Variants in HEMK2 observed in about 807,000 individuals in gnomAD.
The protein encoded by HEMK2 is methyltransferase HEMK2.
the HEMK2 span, among the ~76,000 whole-genome samples, chr21:28,636,291 A>C: frequency 6.6e-6 from 1 of 152,116 alleles, no homozygotes; most frequent in East Asian, 1.9e-4. Flanking sequence ...CACAGGTTAC[A>C]TGCAGCTTTC....
the HEMK2 span, among the ~76,000 whole-genome samples, chr21:28,813,272 A>T: frequency 6.6e-6 from 1 of 152,208 alleles, no homozygotes; most frequent in Non-Finnish European, 1.5e-5. Context: ...TACAAAATCA[A>T]TGTGCAAAAA....
At chr21:28,813,808 C>G in the HEMK2 span, among the ~76,000 whole-genome samples, 3 of 152,112 alleles carry the variant, frequency 2.0e-5, no homozygotes, top group Non-Finnish European at 2.9e-5. Context: ...ACAAACCTGA[C>G]AAAAACAAGC....
At chr21:28,619,290 T>C in the HEMK2 span, among the ~76,000 whole-genome samples, 3 of 152,158 alleles carry the variant, frequency 2.0e-5, no homozygotes, top group Non-Finnish European at 4.4e-5. Flanking sequence ...TAACAAAGAG[T>C]CTGCAAAAAT....
chr21:28,656,726 C>T, the HEMK2 span, among the ~76,000 whole-genome samples: 3 of 152,018 alleles, frequency 2.0e-5, no homozygotes, highest in Non-Finnish European at 4.4e-5. Flanking sequence ...GCAAAGAGTC[C>T]ACATGCCACT....
chr21:28,674,559 C>T, the HEMK2 span: 2 of 152,162 alleles, frequency 1.3e-5, no homozygotes, highest in Admixed American at 1.3e-4. Flanking sequence ...AAATGGAAGG[C>T]TCACTTCATG....
chr21:28,578,416 A>C, the HEMK2 span, among the ~76,000 whole-genome samples: 1 of 152,332 alleles, frequency 6.6e-6, no homozygotes, highest in South Asian at 2.1e-4. Flanking sequence ...GGGATGGTTG[A>C]ACATCCAACA....
chr21:28,835,873 A>C, the HEMK2 span, among the ~76,000 whole-genome samples: 1 of 152,178 alleles, frequency 6.6e-6, no homozygotes, highest in African/African-American at 2.4e-5. Context: ...GAATTGAACA[A>C]GTAGAAGAAA....
the HEMK2 span, among the ~76,000 whole-genome samples, chr21:28,736,673 A>G: frequency 0.5 from 76,600 of 151,846 alleles, 20,879 homozygotes; most frequent in East Asian, 0.78. Flanking sequence ...GCTGTGGCAG[A>G]AGAATCGCCT....
the HEMK2 span, among the ~76,000 whole-genome samples, chr21:28,857,407 T>C: frequency 2.0e-5 from 3 of 152,190 alleles, no homozygotes; most frequent in African/African-American, 7.2e-5. Flanking sequence ...TAAGTTTTAA[T>C]GTACATTTAT....
the HEMK2 span, among the ~76,000 whole-genome samples, chr21:28,852,244 T>C: frequency 2.6e-5 from 4 of 152,322 alleles, no homozygotes; most frequent in South Asian, 2.1e-4. Flanking sequence ...TCCACCATAA[T>C]AGCCCTCACC....
chr21:28,640,881 T>G, the HEMK2 span, among the ~76,000 whole-genome samples: 1 of 152,328 alleles, frequency 6.6e-6, no homozygotes, highest in South Asian at 2.1e-4. Flanking sequence ...AGATCATGGC[T>G]GCTATGAAGA....
the HEMK2 span, among the ~76,000 whole-genome samples, chr21:28,666,127 C>T: frequency 6.6e-6 from 1 of 152,154 alleles, no homozygotes; most frequent in Non-Finnish European, 1.5e-5. Context: ...TGGTCCTCAA[C>T]TTAGGACCTA....
the HEMK2 span, among the ~76,000 whole-genome samples, chr21:28,623,131 A>C: frequency 6.6e-6 from 1 of 152,202 alleles, no homozygotes; most frequent in South Asian, 2.1e-4. Context: ...AAGGAACTTA[A>C]ACAAATTTAC....
At chr21:28,878,269 C>T in the HEMK2 span, 2 of 1,609,740 alleles carry the variant, frequency 1.2e-6, no homozygotes, top group Admixed American at 3.4e-5. Context: ...GGGAAAAAAC[C>T]TGTCCATGAC....
the HEMK2 span, among the ~76,000 whole-genome samples, chr21:28,830,927 G>A: frequency 6.6e-6 from 1 of 151,286 alleles, no homozygotes; most frequent in Non-Finnish European, 1.5e-5. Flanking sequence ...AAGGTGAAAG[G>A]AAGAAAGGAA....
chr21:28,689,585 A>G, the HEMK2 span, among the ~76,000 whole-genome samples: 1 of 152,128 alleles, frequency 6.6e-6, no homozygotes, highest in Non-Finnish European at 1.5e-5. Context: ...AGGCGATCAC[A>G]CCTTTGGCAG....
At chr21:28,588,852 G>T in the HEMK2 span, among the ~76,000 whole-genome samples, 1 of 151,950 alleles carries the variant, frequency 6.6e-6, no homozygotes, top group East Asian at 1.9e-4. Context: ...GCGTTGTGGT[G>T]GGCACCTGTA....
the HEMK2 span, among the ~76,000 whole-genome samples, chr21:28,652,008 T>C: frequency 5.3e-5 from 8 of 152,252 alleles, no homozygotes; most frequent in Admixed American, 5.2e-4. Flanking sequence ...GATCTTTGGA[T>C]TTGATTTGAA....
At chr21:28,721,695 T>C in the HEMK2 span, among the ~76,000 whole-genome samples, 2 of 152,140 alleles carry the variant, frequency 1.3e-5, no homozygotes, top group African/African-American at 2.4e-5. Context: ...CCAGGCACTG[T>C]TCTAAGTACT....
Sources: gnomAD v4.1 joint callset for allele counts (sites outside exome capture counted in the v4.1 genomes callset) on GRCh38, gnomAD v4.1.1 for gene constraint, MANE v1.5 for transcripts, NCBI Gene and HGNC (gene_info 2026-07-23, HGNC 2026-07-21) for gene names.